Variants in HPSE2 observed in about 807,000 individuals in gnomAD.
The protein encoded by HPSE2 is inactive heparanase-2.
A neutral mutation model predicts 60.5 loss-of-function variants in HPSE2; 38 were observed. The observed-to-expected ratio is 0.63, with a 90% CI of 0.48 to 0.82. The LOEUF (loss-of-function observed/expected upper bound fraction) is 0.82, where lower values mean the gene tolerates loss of function less well. Ranked by LOEUF, HPSE2 falls within the 40% of genes least tolerant of loss-of-function variation. HPSE2 has a pLI of 0.00. For missense variants in HPSE2, 713 were observed against 740.4 expected (o/e 0.96, Z 0.43); for synonymous variants, 295 against 293.2 (o/e 1.01, Z -0.06).
chr10:99,012,090 A>AT (rs1957031122), intron 3 of HPSE2, among the ~76,000 whole-genome samples: 1 of 151,892 alleles, frequency 6.6e-6, no homozygotes, highest in Non-Finnish European at 1.5e-5. Context: ...TAATACTTAA[A>AT]AATAATATAG....
chr10:98,986,290 C>G (rs1398848518), intron 3 of HPSE2, among the ~76,000 whole-genome samples: 24 of 151,492 alleles, frequency 1.6e-4, no homozygotes, highest in East Asian at 3.9e-4. Context: ...ATAACAAACT[C>G]TCTCTCAGAC....
At chr10:99,024,717 C>T (rs1444401698) in intron 3 of HPSE2, among the ~76,000 whole-genome samples, 3 of 152,082 alleles carry the variant, frequency 2.0e-5, no homozygotes, top group East Asian at 1.9e-4. Flanking sequence ...TAATAGCAGG[C>T]TTTTCAGTGG....
At chr10:98,966,886 T>C (rs1377759744) in intron 3 of HPSE2, among the ~76,000 whole-genome samples, 1 of 152,208 alleles carries the variant, frequency 6.6e-6, no homozygotes, top group Non-Finnish European at 1.5e-5. Flanking sequence ...AAACTTCACA[T>C]GTACTCCATA....
chr10:98,723,455 G>T (rs1948982475), intron 4 of HPSE2, among the ~76,000 whole-genome samples: 1 of 152,138 alleles, frequency 6.6e-6, no homozygotes, highest in African/African-American at 2.4e-5. Context: ...CCAGGCTTTG[G>T]TATCAGGATG....
At chr10:98,515,446 C>T (rs1025284815) in intron 9 of HPSE2, among the ~76,000 whole-genome samples, 1 of 152,092 alleles carries the variant, frequency 6.6e-6, no homozygotes, top group Non-Finnish European at 1.5e-5. Context: ...AATTGTAGAT[C>T]CAACTATGGA....
At position 99,101,330 on chromosome 10, in the gene HPSE2, G is replaced by A. The variant is rs1256586254; in HGVS notation, c.610+42908C>T. Among the ~76,000 whole-genome samples the A allele has an allele frequency of 2.0e-5, 3 of 152,132 alleles. No homozygotes were observed. In the South Asian group the frequency reaches 6.2e-4, roughly 32 times the overall value. Reference sequence around the variant, plus strand: ...AAATGGAAAACAAAAAAAGGCAGGGGTTGCAATCCTAGTCTCTCATAAAAC... The same window carrying A: ...AAATGGAAAACAAAAAAAGGCAGGGATTGCAATCCTAGTCTCTCATAAAAC... On this transcript the variant is annotated intron_variant, in intron 3 of 11. Coordinates refer to ENST00000370552, the MANE Select transcript of HPSE2 (RefSeq NM_021828.5).
intron 5 of HPSE2, among the ~76,000 whole-genome samples, chr10:98,703,048 TA>T (rs905692712): frequency 6.6e-6 from 1 of 151,682 alleles, no homozygotes; most frequent in Non-Finnish European, 1.5e-5. Context: ...ACTAGACTAA[TA>T]AAGAAGAAAA....
intron 8 of HPSE2, among the ~76,000 whole-genome samples, chr10:98,616,494 C>T (rs1945913405): frequency 6.6e-6 from 1 of 152,110 alleles, no homozygotes; most frequent in African/African-American, 2.4e-5. Context: ...ATATGGAGCT[C>T]CAAACCCGTG....
chr10:98,632,842 T>C (rs1448972458), intron 7 of HPSE2, among the ~76,000 whole-genome samples: 1 of 152,254 alleles, frequency 6.6e-6, no homozygotes, highest in African/African-American at 2.4e-5. Flanking sequence ...GAACACTCAT[T>C]GATGTTATCC....
At chr10:99,010,108 A>C (rs2135397269) in intron 3 of HPSE2, among the ~76,000 whole-genome samples, 1 of 152,294 alleles carries the variant, frequency 6.6e-6, no homozygotes, top group South Asian at 2.1e-4. Flanking sequence ...AATAATCTAA[A>C]ACTCAGTGAG....
chr10:98,715,477 T>G (rs962552120), intron 5 of HPSE2, among the ~76,000 whole-genome samples: 3 of 151,938 alleles, frequency 2.0e-5, no homozygotes, highest in African/African-American at 7.2e-5. Context: ...TTATCTTGGT[T>G]TTTTTCTTTC....
chr10:98,900,535 A>G (rs1352395017), intron 3 of HPSE2, among the ~76,000 whole-genome samples: 1 of 152,186 alleles, frequency 6.6e-6, no homozygotes. Context: ...AGTACATGTT[A>G]GTTATGCACG....
At chr10:99,054,145 A>G (rs992387959) in intron 3 of HPSE2, among the ~76,000 whole-genome samples, 12 of 152,128 alleles carry the variant, frequency 7.9e-5, no homozygotes, top group African/African-American at 2.4e-4. Flanking sequence ...ACATCAGAGA[A>G]AAGGTGGCTA....
At chr10:99,306,236 T>C in the HPSE2 span, among the ~76,000 whole-genome samples, 1 of 152,172 alleles carries the variant, frequency 6.6e-6, no homozygotes, top group Admixed American at 6.5e-5. Flanking sequence ...AGATCCACTG[T>C]AATTGTTTGA....
chr10:98,741,065 TAA>T (rs1949484255), intron 4 of HPSE2, among the ~76,000 whole-genome samples: 1 of 152,316 alleles, frequency 6.6e-6, no homozygotes, highest in Admixed American at 6.5e-5. Flanking sequence ...GTAGCTTTAA[TAA>T]ATGATTATTT....
rs955333822 is a variant in HPSE2 at position 98,495,718 on chromosome 10, T to C, written c.1321-5522A>G. ...TATTTTTCAGCTCCAGAATTTTTTT[T>C]TTTGTTTCTTTACAGGTTTTCTTTC... On this transcript the variant is annotated intron_variant, in intron 9 of 11. Coordinates refer to ENST00000370552, the MANE Select transcript of HPSE2 (RefSeq NM_021828.5). 1.2e-3 allele frequency among the ~76,000 whole-genome samples: 183 copies of C among 152,264 alleles called. 1 individual carries two copies. Among genetic ancestry groups the C allele is most frequent in the African/African-American group, 4.1e-3 (172 of 41,570 alleles).
the HPSE2 span, among the ~76,000 whole-genome samples, chr10:99,296,458 C>G: frequency 6.6e-6 from 1 of 152,196 alleles, no homozygotes; most frequent in African/African-American, 2.4e-5. Context: ...CATCAACCAC[C>G]CCTTAATCTA....
At chr10:98,677,784 C>CA (rs931833242) in intron 6 of HPSE2, among the ~76,000 whole-genome samples, 5 of 152,032 alleles carry the variant, frequency 3.3e-5, no homozygotes, top group African/African-American at 7.2e-5. Context: ...GGATTTTTGA[C>CA]AAAAAATTGT....
intron 9 of HPSE2, among the ~76,000 whole-genome samples, chr10:98,509,524 C>A (rs973802919): frequency 1.3e-5 from 2 of 151,308 alleles, no homozygotes; most frequent in Non-Finnish European, 2.9e-5. Flanking sequence ...TTTTTTGAGA[C>A]GGAGTCTTGC....
Sources: allele counts gnomAD v4.1 joint callset (sites outside exome capture counted in the v4.1 genomes callset), GRCh38; gene constraint gnomAD v4.1.1; transcripts MANE v1.5; gene names NCBI Gene and HGNC (gene_info 2026-07-23, HGNC 2026-07-21).